PLA2G15: variants seen among roughly 807,000 people sequenced by gnomAD.
PLA2G15 encodes the protein lysosomal phospholipase A and acyltransferase.
Under a neutral mutation model 40.9 loss-of-function variants are expected in PLA2G15, and 20 were observed. The observed-to-expected ratio is 0.49, with a 90% CI of 0.34 to 0.71. The LOEUF is 0.71. Ranked by LOEUF, PLA2G15 falls within the 30% of genes least tolerant of loss-of-function variation. The pLI, the probability that PLA2G15 is intolerant of heterozygous loss-of-function variation, is 0.01. For synonymous variants in PLA2G15, 223 were observed against 228.2 expected, an observed-to-expected ratio of 0.98 and a Z score of 0.21; for missense variants, 471 against 541.9, an observed-to-expected ratio of 0.87 and a Z score of 1.30.
chr16:68,255,119 G>C lies in PLA2G15; in HGVS notation c.403+82G>C. Reference sequence around the variant, plus strand: ...GAGCTGGAGCTGGAGGAACTCTGCTGGTTTGTAGGGACAGCCTGTGAGCTG... The same window carrying C: ...GAGCTGGAGCTGGAGGAACTCTGCTCGTTTGTAGGGACAGCCTGTGAGCTG... On this transcript the variant is annotated intron_variant, in intron 3 of 5. Coordinates refer to ENST00000219345, the MANE Select transcript of PLA2G15 (RefSeq NM_012320.4). The surrounding 1 kb of genome is among the most constrained non-coding windows in gnomAD (Gnocchi z 5.9). 9.3e-7 allele frequency: 1 copy of C among 1,078,802 alleles called. No homozygotes were observed. The highest frequency in any genetic ancestry group is 1.4e-6 in the Non-Finnish European group (1 of 697,126). The allele number at this position is 1,078,802 out of a possible 1,614,324, so 66.8% of individuals were successfully genotyped here.
rs1175749953 is a variant in PLA2G15 at position 68,250,174 on chromosome 16, C to CTTT, written c.284+748_284+750dup. The stretch of plus-strand genomic sequence containing the variant: ...TTGCCTGATAAATGGCTTCCATTCA[C>CTTT]TTTTTTTTTTTTTTTTTTTTTTGGA... On this transcript the variant is annotated intron_variant, in intron 2 of 5. Coordinates refer to ENST00000219345, the MANE Select transcript of PLA2G15 (RefSeq NM_012320.4). The CTTT allele has an allele frequency of 9.1e-4, 122 of 134,236 alleles. 3 individuals carry two copies. The highest frequency in any genetic ancestry group is 1.8e-3 in the South Asian group (22 of 12,508). The allele number at this position is 134,236 out of a possible 1,614,324, so 8.3% of individuals were successfully genotyped here.
intron 1 of PLA2G15, chr16:68,248,593 G>A (rs996561239): frequency 4.9e-5 from 12 of 246,468 alleles, no homozygotes; most frequent in African/African-American, 2.6e-4. Context: ...CACCATATTG[G>A]CCAAGCTGGT....
rs142380723 is a variant in PLA2G15, at chr16:68,245,481, T to A, written c.55T>A (p.Phe19Ile). 2.4e-5 allele frequency: 38 copies of A among 1,606,578 alleles called. No homozygotes were observed. The African/African-American group carries it at 4.7e-4, about 20-fold the overall frequency. The part of the protein sequence containing the change: ...RVGLLPDGLL[F>I]LLLLLMLLAD... Reference sequence around the variant, plus strand: ...GGGGCTGCTCCCGGATGGCCTCCTGTTCCTCTTGCTGCTGCTAATGCTGCT... The same window carrying A: ...GGGGCTGCTCCCGGATGGCCTCCTGATCCTCTTGCTGCTGCTAATGCTGCT... The change falls in exon 1 of 6, where the codon TTC becomes ATC. Residue 19 changes from phenylalanine (F) to isoleucine (I), a missense_variant. By Grantham distance (21) the Phe-to-Ile change is conservative. Transcript: ENST00000219345.
intron 2 of PLA2G15, among the ~76,000 whole-genome samples, chr16:68,252,792 C>T (rs2042366415): frequency 6.6e-6 from 1 of 152,046 alleles, no homozygotes; most frequent in Non-Finnish European, 1.5e-5. Context: ...CATAGTGTGG[C>T]CCTGTCCCTA....
intron 2 of PLA2G15, among the ~76,000 whole-genome samples, chr16:68,253,686 G>GTTTT (rs1274710560): frequency 7.9e-4 from 92 of 115,932 alleles, no homozygotes; most frequent in South Asian, 7.7e-3. Flanking sequence ...AGTGTGTTTT[G>GTTTT]TTTTGTTTTT....
intron 2 of PLA2G15, chr16:68,254,668 T>C (rs2042386115): frequency 2.9e-6 from 1 of 343,936 alleles, no homozygotes; most frequent in African/African-American, 2.2e-5. Context: ...AGAGACAGGG[T>C]TTCACCATAT....
At chr16:68,256,762 G>A (rs889741026) in intron 5 of PLA2G15, among the ~76,000 whole-genome samples, 6 of 151,860 alleles carry the variant, frequency 4.0e-5, no homozygotes, top group Non-Finnish European at 7.4e-5. Context: ...CACTCGCTTC[G>A]GCCTCCCAAA....
chr16:68,250,473 G>A (rs185363967), intron 2 of PLA2G15: 267 of 216,348 alleles, frequency 1.2e-3, no homozygotes, highest in Middle Eastern at 6.0e-3. Context: ...GGGTTTCACC[G>A]TGTTAACCAG....
chr16:68,250,490 C>A lies in PLA2G15; in HGVS notation c.284+1044C>A, dbSNP rs188229369. 5.6e-3 allele frequency: 1,179 copies of A among 208,822 alleles called. 36 individuals are homozygous for A. Among genetic ancestry groups the A allele is most frequent in the Non-Finnish European group, 2.1e-3 (211 of 100,994 alleles). 12.9% of individuals were successfully genotyped at this position (208,822 alleles called of 1,614,324 possible). A position where few individuals can be genotyped will look rare whatever the true frequency, so the allele number is the denominator to read the frequency against. The stretch of plus-strand genomic sequence containing the variant: ...GTTTCACCGTGTTAACCAGGATGGT[C>A]TCCATCTACTGACCTTGTGATCCGC... On this transcript the variant is annotated intron_variant, in intron 2 of 5. Coordinates refer to ENST00000219345, the MANE Select transcript of PLA2G15 (RefSeq NM_012320.4).
At chr16:68,257,080 T>C (rs1400117838) in intron 5 of PLA2G15, among the ~76,000 whole-genome samples, 1 of 151,648 alleles carries the variant, frequency 6.6e-6, no homozygotes, top group Non-Finnish European at 1.5e-5. Context: ...TGGGTTTCAC[T>C]ATGTTGGCCG....
rs1378123983 is a variant in PLA2G15, at chr16:68,245,535, C to T, written c.109C>T (p.His37Tyr). ...GGACCCAGCGCTCCCGGCCGGACGTCACCCCCCAGTGGTGCTGGGTGAGGC... is the reference window on the plus strand; with the variant it reads ...GGACCCAGCGCTCCCGGCCGGACGTTACCCCCCAGTGGTGCTGGGTGAGGC... The part of the protein sequence containing the change: ...LADPALPAGR[H>Y]PPVVLVPGDL... The change falls in exon 1 of 6, where the codon CAC becomes TAC. Residue 37 changes from histidine (H) to tyrosine (Y), a missense_variant. By Grantham distance (83) the His-to-Tyr change is moderately conservative. Coordinates refer to ENST00000219345, the MANE Select transcript of PLA2G15 (RefSeq NM_012320.4). The T allele has an allele frequency of 6.3e-7, 1 of 1,587,486 alleles. No individual in the cohort carries two copies. The highest frequency in any genetic ancestry group is 8.5e-7 in the Non-Finnish European group (1 of 1,172,148).
chr16:68,253,242 G>A (rs1236888473), intron 2 of PLA2G15, among the ~76,000 whole-genome samples: 1 of 151,786 alleles, frequency 6.6e-6, no homozygotes, highest in Non-Finnish European at 1.5e-5. Context: ...ACCTACCTGG[G>A]GCCACACAAG....
intron 1 of PLA2G15, among the ~76,000 whole-genome samples, chr16:68,246,091 G>A (rs1022398538): frequency 1.3e-5 from 2 of 152,226 alleles, no homozygotes; most frequent in Non-Finnish European, 2.9e-5. Flanking sequence ...TTGCCTGAGG[G>A]AAAAGGCCTA....
At chr16:68,254,816 C>A (rs2042387113) in intron 2 of PLA2G15, 103 bp from the exon 3 acceptor site, 1 of 743,782 alleles carries the variant, frequency 1.3e-6, no homozygotes, top group Non-Finnish European at 2.4e-6. Flanking sequence ...CTGACCAAAC[C>A]TGGGCATGAG....
intron 5 of PLA2G15, among the ~76,000 whole-genome samples, chr16:68,257,975 C>T (rs988093162): frequency 4.6e-5 from 7 of 152,224 alleles, no homozygotes; most frequent in Non-Finnish European, 8.8e-5. Context: ...AGGGGTCCCC[C>T]AGCCAGGCCA....
chr16:68,259,552 G>C lies in PLA2G15; in HGVS notation c.1134G>C (p.Gln378His), dbSNP rs751778913. Residue 378 changes from glutamine to histidine, a missense_variant, in exon 6 of 6, where the codon CAG becomes CAC. Physicochemically the swap from Gln to His is conservative, Grantham distance 24 (BLOSUM62 0). Transcript: ENST00000219345. This position sits in a 1 kb window ranked among gnomAD's most constrained non-coding sequence, Gnocchi z 6.5. ...AGTGCCAGGCCTGGCAGAGCCGCCA[G>C]GAGCACCAAGTGTTGCTGCAGGAGC... ...ALQCQAWQSRQEHQVLLQELP... is the reference protein window; with the variant it reads ...ALQCQAWQSRHEHQVLLQELP... 6.2e-7 allele frequency: 1 copy of C among 1,613,422 alleles called. No homozygotes were observed. The highest frequency in any genetic ancestry group is 1.7e-5 in the Admixed American group (1 of 60,038).
intron 1 of PLA2G15, among the ~76,000 whole-genome samples, chr16:68,245,808 C>T (rs1315059081): frequency 1.3e-5 from 2 of 152,188 alleles, no homozygotes; most frequent in Admixed American, 1.3e-4. Flanking sequence ...CATAGTTCCA[C>T]CTGTCCGCAT....
chr16:68,248,663 A>T, intron 1 of PLA2G15: 1 of 920,480 alleles, frequency 1.1e-6, no homozygotes. Flanking sequence ...CTGGGATTAC[A>T]GGCATGAGCC....
In PLA2G15 at chr16:68,255,904, C is replaced by T. The variant is rs1195195180; in HGVS notation, c.641C>T (p.Ala214Val). Residue 214 changes from alanine (A) to valine (V), a missense_variant, in exon 5 of 6, where the codon GCC becomes GTC. Ala to Val is a moderately conservative substitution (Grantham distance 64, BLOSUM62 0). Coordinates refer to ENST00000219345, the MANE Select transcript of PLA2G15 (RefSeq NM_012320.4). This position sits in a 1 kb window ranked among gnomAD's most constrained non-coding sequence, Gnocchi z 5.9. ...TLYFLQRQPQ[A>V]WKDKYIRAFV... ...TACTTTCTGCAGCGGCAGCCGCAGG[C>T]CTGGAAGGACAAGTATATCCGGGCC... The T allele has an allele frequency of 2.5e-6, 4 of 1,613,794 alleles. No individual in the cohort carries two copies. The highest frequency in any genetic ancestry group is 2.5e-6 in the Non-Finnish European group (3 of 1,180,002).
Sources: gnomAD v4.1 joint callset for allele counts (sites outside exome capture counted in the v4.1 genomes callset) on GRCh38, gnomAD v4.1.1 for gene constraint, Gnocchi (gnomAD v3.1) non-coding constraint, MANE v1.5 for transcripts, NCBI Gene and HGNC (gene_info 2026-07-23, HGNC 2026-07-21) for gene names.